PCTP: variants seen among roughly 807,000 people sequenced by gnomAD.
PCTP encodes START domain-containing protein 2.
Under a neutral mutation model 31.0 loss-of-function variants are expected in PCTP, and 27 were observed. The ratio of observed to expected loss-of-function variants is 0.87; its 90% CI spans 0.64 to 1.20. PCTP has a LOEUF of 1.20. Ranked by LOEUF, PCTP falls within the 50% of genes most tolerant of loss-of-function variation. The pLI is 0.00. For synonymous variants in PCTP, 108 were observed against 101.2 expected (o/e 1.07, Z -0.40); for missense variants, 287 against 268.2 (o/e 1.07, Z -0.49).
At position 55,766,792 on chromosome 17, in the gene PCTP, G is replaced by C. The variant is rs1910687483; in HGVS notation, c.142-543G>C. ...GTATATACCCAGTAATGGGATGGCT[G>C]GGTCAAATGGTATTTCTAGTTCTAG... is the stretch of plus-strand genomic sequence containing the variant. On this transcript the variant is annotated intron_variant, in intron 1 of 5. Transcript: ENST00000268896. 2.6e-5 allele frequency among the ~76,000 whole-genome samples: 4 copies of C among 151,982 alleles called. No individual in the cohort carries two copies. The East Asian group carries it at 7.8e-4, about 29-fold the overall frequency.
chr17:55,775,065 G>A (rs1386848812), intron 5 of PCTP, among the ~76,000 whole-genome samples: 1 of 152,142 alleles, frequency 6.6e-6, no homozygotes, highest in Admixed American at 6.5e-5. Flanking sequence ...ACAAAGAATT[G>A]TCAGCTTGGA....
chr17:55,798,420 ACT>A (rs1246807237), intron 3 of PCTP, among the ~76,000 whole-genome samples: 2 of 151,958 alleles, frequency 1.3e-5, no homozygotes. Context: ...CCATAAAGAA[ACT>A]CATATTTAAA....
chr17:55,777,581 C>A (rs897255044), downstream of PCTP, among the ~76,000 whole-genome samples: 2 of 152,196 alleles, frequency 1.3e-5, no homozygotes, highest in African/African-American at 4.8e-5. Context: ...GAATTCAGAT[C>A]GTTTAGTATT....
In PCTP at chr17:55,776,125, C is replaced by T. The variant is rs185946193; in HGVS notation, c.*25C>T. On this transcript the variant is annotated 3_prime_UTR_variant, in exon 6 of 6. Coordinates refer to ENST00000268896, the MANE Select transcript of PCTP (RefSeq NM_021213.4). ...AGAAAGAGAACTGGGAACATTGCATCCATGGGTTGATGTCTCTGGAAGTGC... is the reference window on the plus strand; with the variant it reads ...AGAAAGAGAACTGGGAACATTGCATTCATGGGTTGATGTCTCTGGAAGTGC... 6.2e-7 allele frequency: 1 copy of T among 1,613,340 alleles called. No homozygotes were observed. Among genetic ancestry groups the T allele is most frequent in the African/African-American group, 1.3e-5 (1 of 75,016 alleles).
chr17:55,793,589 C>T (rs1308893224), intron 3 of PCTP, among the ~76,000 whole-genome samples: 1 of 152,066 alleles, frequency 6.6e-6, no homozygotes, highest in African/African-American at 2.4e-5. Flanking sequence ...TACATGATTT[C>T]TTCATTTAAT....
chr17:55,806,262 A>T (rs1263251308), intron 3 of PCTP, among the ~76,000 whole-genome samples: 4 of 152,102 alleles, frequency 2.6e-5, no homozygotes, highest in Admixed American at 1.3e-4. Flanking sequence ...GCAATAAACC[A>T]GGAGAAGGAC....
chr17:55,788,039 T>C (rs1449398136), intron 3 of PCTP, among the ~76,000 whole-genome samples: 2 of 152,210 alleles, frequency 1.3e-5, no homozygotes, highest in East Asian at 3.8e-4. Context: ...TGGTTTATCC[T>C]TTTAAAACCA....
At position 55,829,372 on chromosome 17, in the gene PCTP, G is replaced by T. The variant is rs189957616; in HGVS notation, n.505+6445G>T. ...GTCACCCAGGCTGGAGTGCAATGGT[G>T]CGATCTCGGCTCACTGCAACCTCTG... On this transcript the variant is annotated intron_variant and non_coding_transcript_variant, in intron 5 of 5. Transcript: ENST00000576221. 7.7e-3 allele frequency among the ~76,000 whole-genome samples: 1,169 copies of T among 152,172 alleles called. 22 individuals are homozygous for T. The highest frequency in any genetic ancestry group is 0.027 in the African/African-American group (1,112 of 41,490).
chr17:55,814,612 G>C (rs970055456), intron 3 of PCTP, among the ~76,000 whole-genome samples: 1 of 152,238 alleles, frequency 6.6e-6, no homozygotes, highest in Non-Finnish European at 1.5e-5. Flanking sequence ...CGTTTGCCTG[G>C]AAGGTCAAGG....
At chr17:55,820,661 A>T (rs1416226393) in intron 3 of PCTP, among the ~76,000 whole-genome samples, 1 of 152,232 alleles carries the variant, frequency 6.6e-6, no homozygotes, top group Non-Finnish European at 1.5e-5. Context: ...CTTGTATCTA[A>T]AATACATAAA....
At chr17:55,820,669 A>G (rs932952922) in intron 3 of PCTP, among the ~76,000 whole-genome samples, 1 of 152,246 alleles carries the variant, frequency 6.6e-6, no homozygotes, top group Non-Finnish European at 1.5e-5. Context: ...TAAAATACAT[A>G]AAGAAATGAT....
chr17:55,836,769 C>T (rs1399221790), intron 5 of PCTP, among the ~76,000 whole-genome samples: 3 of 152,162 alleles, frequency 2.0e-5, no homozygotes, highest in Non-Finnish European at 4.4e-5. Context: ...CCTTGGTCAC[C>T]TCCATGCTAA....
chr17:55,759,937 CAAT>C (rs2144921263), intron 1 of PCTP, among the ~76,000 whole-genome samples: 1 of 152,230 alleles, frequency 6.6e-6, no homozygotes, highest in South Asian at 2.1e-4. Flanking sequence ...GTACTGTTGA[CAAT>C]AATATTTCTC....
downstream of PCTP, among the ~76,000 whole-genome samples, chr17:55,826,496 C>A (rs867939478): frequency 5.9e-5 from 9 of 151,394 alleles, no homozygotes; most frequent in South Asian, 2.1e-4. Context: ...GTGATCTGAT[C>A]TAAGCCTGGC....
chr17:55,848,783 A>G, the PCTP span, among the ~76,000 whole-genome samples: 1 of 152,318 alleles, frequency 6.6e-6, no homozygotes, highest in African/African-American at 2.4e-5. Flanking sequence ...ACAGCAACAG[A>G]GCTGGAAGTT....
intron 5 of PCTP, among the ~76,000 whole-genome samples, chr17:55,832,591 A>T (rs568536327): frequency 6.6e-6 from 1 of 152,316 alleles, no homozygotes; most frequent in East Asian, 1.9e-4. Flanking sequence ...GATGGCTTCA[A>T]CCTGAGTGTG....
At chr17:55,783,071 C>CA (rs112854274) in intron 2 of PCTP, among the ~76,000 whole-genome samples, 14 of 150,322 alleles carry the variant, frequency 9.3e-5, no homozygotes, top group South Asian at 2.1e-4. Flanking sequence ...AAGATAGGTC[C>CA]AAAAAAAAAT....
intron 3 of PCTP, among the ~76,000 whole-genome samples, chr17:55,805,165 A>T (rs1244338010): frequency 6.6e-6 from 1 of 152,154 alleles, no homozygotes; most frequent in East Asian, 1.9e-4. Context: ...AGATAAACAG[A>T]AGTATACATC....
At position 55,751,156 on chromosome 17, in the gene PCTP, C is replaced by T; in HGVS notation, c.53C>T (p.Ala18Val). The T allele has an allele frequency of 6.5e-7, 1 of 1,548,230 alleles. No homozygotes were observed. Among genetic ancestry groups the T allele is most frequent in the Non-Finnish European group, 8.7e-7 (1 of 1,146,114 alleles). ...FSEEQFWEAC[A>V]ELQQPALAGA... ...GAGGAGCAGTTCTGGGAGGCCTGCGCCGAGCTCCAGCAGCCCGCTCTGGCC... is the reference window on the plus strand; with the variant it reads ...GAGGAGCAGTTCTGGGAGGCCTGCGTCGAGCTCCAGCAGCCCGCTCTGGCC... Residue 18 changes from alanine (A) to valine (V), a missense_variant, in exon 1 of 6, where the codon GCC becomes GTC. Transcript: ENST00000268896.
Sources: gnomAD v4.1 joint callset for allele counts (sites outside exome capture counted in the v4.1 genomes callset) on GRCh38, gnomAD v4.1.1 for gene constraint, MANE v1.5 for transcripts, NCBI Gene and HGNC (gene_info 2026-07-23, HGNC 2026-07-21) for gene names.